UBASH3B: variants seen among roughly 807,000 people sequenced by gnomAD.
UBASH3B encodes the protein ubiquitin-associated and SH3 domain-containing protein B.
In UBASH3B, 37 loss-of-function variants were observed where a neutral mutation model predicts 83.4. The observed-to-expected ratio is 0.44, with a 90% CI of 0.34 to 0.58. UBASH3B has a LOEUF of 0.58. UBASH3B is among the 20% of genes least tolerant of loss of function. UBASH3B has a pLI of 0.01. For missense variants in UBASH3B, 657 were observed against 827.2 expected (o/e 0.79, Z 2.52); for synonymous variants, 304 against 318.3 (o/e 0.96, Z 0.48).
chr11:122,779,192 G>A (rs554685576), intron 3 of UBASH3B, among the ~76,000 whole-genome samples: 7 of 152,130 alleles, frequency 4.6e-5, no homozygotes, highest in Admixed American at 3.3e-4. Flanking sequence ...CCCCAATCTC[G>A]CTCCCCTTTC....
intron 6 of UBASH3B, among the ~76,000 whole-genome samples, chr11:122,793,142 G>A (rs898997656): frequency 6.6e-6 from 1 of 152,184 alleles, no homozygotes; most frequent in Non-Finnish European, 1.5e-5. Context: ...GCATGACTTT[G>A]GGAGGCCAAG....
chr11:122,774,891 C>A (rs1371347662), intron 1 of UBASH3B, among the ~76,000 whole-genome samples: 2 of 152,164 alleles, frequency 1.3e-5, no homozygotes, highest in Non-Finnish European at 2.9e-5. Context: ...TGTGTCTACA[C>A]CCTCAGATTT....
At chr11:122,710,702 G>T (rs1474724840) in intron 1 of UBASH3B, among the ~76,000 whole-genome samples, 1 of 152,042 alleles carries the variant, frequency 6.6e-6, no homozygotes, top group Non-Finnish European at 1.5e-5. Flanking sequence ...GCCCCATAAG[G>T]GCCTGCTGGG....
chr11:122,749,649 A>G (rs1861170486), intron 1 of UBASH3B, among the ~76,000 whole-genome samples: 1 of 152,262 alleles, frequency 6.6e-6, no homozygotes, highest in African/African-American at 2.4e-5. Flanking sequence ...GCATCAGTCC[A>G]TGGGTCTGAC....
At chr11:122,747,285 C>T (rs1204817639) in intron 1 of UBASH3B, among the ~76,000 whole-genome samples, 1 of 152,150 alleles carries the variant, frequency 6.6e-6, no homozygotes, top group Non-Finnish European at 1.5e-5. Flanking sequence ...CCCCTAAAAT[C>T]GTCTTAGCAA....
Position 122,811,789 on chromosome 11 carries a change from A to C in UBASH3B, c.*1903A>C. Reference sequence around the variant, plus strand: ...GTGTTAATATAAAATGTTGGGAGGGAATATTCCCAATAAAGGTCTTAAGAG... The same window carrying C: ...GTGTTAATATAAAATGTTGGGAGGGCATATTCCCAATAAAGGTCTTAAGAG... On this transcript the variant is annotated 3_prime_UTR_variant, in exon 14 of 14. Coordinates refer to ENST00000284273, the MANE Select transcript of UBASH3B (RefSeq NM_032873.5). 1 of 152,196 alleles carries C rather than the reference A, an allele frequency of 6.6e-6. No individual in the cohort carries two copies. The allele number at this position is 152,196 out of a possible 1,614,324, so 9.4% of individuals were successfully genotyped here.
intron 1 of UBASH3B, chr11:122,727,524 TCC>T (rs1002886128): frequency 2.0e-5 from 3 of 152,196 alleles, no homozygotes; most frequent in African/African-American, 7.2e-5. Context: ...GGCCCGCCTG[TCC>T]CCACGTAGGG....
chr11:122,771,398 G>A (rs1396520381), intron 1 of UBASH3B, among the ~76,000 whole-genome samples: 2 of 151,824 alleles, frequency 1.3e-5, no homozygotes, highest in African/African-American at 4.8e-5. Flanking sequence ...ACGCCACCAC[G>A]CCCGGCTAAT....
At chr11:122,695,441 G>A (rs1863954396) in intron 1 of UBASH3B, among the ~76,000 whole-genome samples, 1 of 152,078 alleles carries the variant, frequency 6.6e-6, no homozygotes, top group South Asian at 2.1e-4. Flanking sequence ...ATATGCATCC[G>A]GCTCCTCCTC....
chr11:122,786,996 C>T (rs540200067), intron 5 of UBASH3B, among the ~76,000 whole-genome samples: 1 of 151,972 alleles, frequency 6.6e-6, no homozygotes, highest in Admixed American at 6.6e-5. Flanking sequence ...CCCGCTCCCC[C>T]CCCACCGCCC....
intron 1 of UBASH3B, among the ~76,000 whole-genome samples, chr11:122,697,790 T>A (rs949377932): frequency 1.3e-5 from 2 of 152,146 alleles, no homozygotes; most frequent in Non-Finnish European, 2.9e-5. Flanking sequence ...CATAGATACA[T>A]GGGTTTACAG....
chr11:122,679,925 A>T (rs1425758169), intron 1 of UBASH3B, among the ~76,000 whole-genome samples: 2 of 151,668 alleles, frequency 1.3e-5, no homozygotes, highest in African/African-American at 4.8e-5. Flanking sequence ...CCGCCTCCCA[A>T]GTTCAAGTGA....
intron 5 of UBASH3B, among the ~76,000 whole-genome samples, chr11:122,786,420 G>A (rs1860954264): frequency 6.6e-6 from 1 of 151,974 alleles, no homozygotes; most frequent in African/African-American, 2.4e-5. Context: ...ACTTTAGGAG[G>A]CCGAGGCAGG....
chr11:122,732,465 C>G (rs779601629), intron 1 of UBASH3B, among the ~76,000 whole-genome samples: 5 of 152,238 alleles, frequency 3.3e-5, no homozygotes, highest in Non-Finnish European at 4.4e-5. Flanking sequence ...TCTTTATACT[C>G]TTGCCCAGGC....
chr11:122,672,215 G>A (rs573335776), intron 1 of UBASH3B, among the ~76,000 whole-genome samples: 1 of 151,900 alleles, frequency 6.6e-6, no homozygotes, highest in East Asian at 1.9e-4. Flanking sequence ...GAAGAAGACA[G>A]ACCCAAGCAG....
At chr11:122,716,308 G>A (rs938630) in intron 1 of UBASH3B, among the ~76,000 whole-genome samples, 53,771 of 152,138 alleles carry the variant, frequency 0.35, 10,246 homozygotes, top group East Asian at 0.8. Flanking sequence ...AGCTTGCTGG[G>A]ACTACAGGCA....
intron 1 of UBASH3B, among the ~76,000 whole-genome samples, chr11:122,708,047 C>T (rs1298841619): frequency 9.9e-5 from 15 of 152,242 alleles, no homozygotes; most frequent in Middle Eastern, 3.4e-3. Flanking sequence ...TCTTCTTTGG[C>T]TATCTCTTCT....
intron 1 of UBASH3B, among the ~76,000 whole-genome samples, chr11:122,746,960 G>A (rs535693533): frequency 1.3e-5 from 2 of 152,216 alleles, no homozygotes; most frequent in Admixed American, 1.3e-4. Context: ...CAGAAAAGGG[G>A]GAATGTGGAC....
intron 1 of UBASH3B, among the ~76,000 whole-genome samples, chr11:122,688,395 C>T (rs1294956988): frequency 6.6e-6 from 1 of 151,048 alleles, no homozygotes; most frequent in Admixed American, 6.6e-5. Context: ...TCCCGGGTAG[C>T]TGGGACTACA....
Sources: allele counts gnomAD v4.1 joint callset (sites outside exome capture counted in the v4.1 genomes callset), GRCh38; gene constraint gnomAD v4.1.1; transcripts MANE v1.5; gene names NCBI Gene and HGNC (gene_info 2026-07-23, HGNC 2026-07-21).